PTPRM: variants seen among roughly 807,000 people sequenced by gnomAD.
PTPRM encodes receptor-type tyrosine-protein phosphatase mu.
A neutral mutation model predicts 186.7 loss-of-function variants in PTPRM; 47 were observed. That is an observed-to-expected ratio of 0.25 (90% CI 0.20 to 0.32). The LOEUF (loss-of-function observed/expected upper bound fraction) is 0.32. PTPRM is among the 10% of genes least tolerant of loss of function. PTPRM has a pLI of 1.00. For missense variants in PTPRM, 1,494 were observed against 1,865.0 expected (o/e 0.80, Z 3.66); for synonymous variants, 668 against 674.9 (o/e 0.99, Z 0.16).
intron 2 of PTPRM, among the ~76,000 whole-genome samples, chr18:7,845,848 C>G (rs549141726): frequency 5.3e-5 from 8 of 152,052 alleles, no homozygotes; most frequent in Non-Finnish European, 1.2e-4. Flanking sequence ...CAGGATGACT[C>G]TTAAGGGTTG....
chr18:8,024,490 G>A (rs2085438147), intron 7 of PTPRM, among the ~76,000 whole-genome samples: 2 of 152,038 alleles, frequency 1.3e-5, no homozygotes, highest in Non-Finnish European at 2.9e-5. Flanking sequence ...CTGAACAAAA[G>A]TGCTTTTGGC....
intron 1 of PTPRM, among the ~76,000 whole-genome samples, chr18:7,680,691 T>C (rs2039460713): frequency 7.0e-6 from 1 of 142,368 alleles, no homozygotes; most frequent in African/African-American, 2.8e-5. Flanking sequence ...TAGGGAAAAC[T>C]GGAAAAAGAA....
At chr18:7,702,783 A>C (rs1329644200) in intron 1 of PTPRM, among the ~76,000 whole-genome samples, 1 of 152,206 alleles carries the variant, frequency 6.6e-6, no homozygotes, top group Non-Finnish European at 1.5e-5. Flanking sequence ...CTATGTCCTG[A>C]ATGGTGTTGC....
intron 23 of PTPRM, among the ~76,000 whole-genome samples, chr18:8,355,852 T>TGGGTCTCACAGCCAGAC (rs1485336565): frequency 3.9e-5 from 6 of 152,128 alleles, no homozygotes; most frequent in Admixed American, 1.3e-4. Flanking sequence ...GTGAGCCAAA[T>TGGGTCTCACAGCCAGAC]GGGTCTCACA....
chr18:8,226,316 G>A (rs7232432), intron 14 of PTPRM, among the ~76,000 whole-genome samples: 29,683 of 136,998 alleles, frequency 0.22, 3,297 homozygotes, highest in African/African-American at 0.33. Context: ...AGCATGTAAA[G>A]GCCAAATCGT....
At chr18:8,254,372 C>T (rs1282627938) in intron 19 of PTPRM, among the ~76,000 whole-genome samples, 1 of 152,200 alleles carries the variant, frequency 6.6e-6, no homozygotes, top group Non-Finnish European at 1.5e-5. Flanking sequence ...AAGAAGCATG[C>T]CATCCCTTGA....
chr18:7,690,289 T>C (rs1347867245), intron 1 of PTPRM, among the ~76,000 whole-genome samples: 1 of 152,212 alleles, frequency 6.6e-6, no homozygotes, highest in African/African-American at 2.4e-5. Flanking sequence ...GTAAGGTAAT[T>C]TGTTAGTTGC....
chr18:8,388,102 T>C (rs2095789616), intron 31 of PTPRM, among the ~76,000 whole-genome samples: 1 of 152,212 alleles, frequency 6.6e-6, no homozygotes, highest in South Asian at 2.1e-4. Context: ...GAATGCCATG[T>C]TTCTCAAAGC....
At chr18:7,919,065 T>C (rs1290147830) in intron 4 of PTPRM, among the ~76,000 whole-genome samples, 1 of 152,168 alleles carries the variant, frequency 6.6e-6, no homozygotes, top group Admixed American at 6.5e-5. Flanking sequence ...TTCTTCGTTG[T>C]ATACTCTTAG....
intron 23 of PTPRM, among the ~76,000 whole-genome samples, chr18:8,345,218 G>A (rs1320662557): frequency 6.7e-6 from 1 of 149,726 alleles, no homozygotes; most frequent in East Asian, 2.0e-4. Flanking sequence ...GATAGATGAA[G>A]AACAGAGCAA....
chr18:8,037,450 C>T (rs778213335), intron 7 of PTPRM, among the ~76,000 whole-genome samples: 1 of 152,124 alleles, frequency 6.6e-6, no homozygotes, highest in Non-Finnish European at 1.5e-5. Flanking sequence ...ATACTGTCCT[C>T]CTTCTGTTGC....
In PTPRM at chr18:7,678,288, G is replaced by C. The variant is rs373715353; in HGVS notation, c.74-95861G>C. Among the ~76,000 whole-genome samples the C allele has an allele frequency of 1.9e-4, 29 of 152,234 alleles. 1 individual carries two copies. The East Asian group carries it at 1.9e-3, about 10-fold the overall frequency. ...TATGTCTCCTTTTCCAGGGGATAGGGCTCCTGTTGACACCTATTTCTCCAG... is the reference window on the plus strand; with the variant it reads ...TATGTCTCCTTTTCCAGGGGATAGGCCTCCTGTTGACACCTATTTCTCCAG... On this transcript the variant is annotated intron_variant, in intron 1 of 32. Transcript: ENST00000580170.
chr18:7,983,821 C>G (rs1293927225), intron 7 of PTPRM, among the ~76,000 whole-genome samples: 1 of 152,144 alleles, frequency 6.6e-6, no homozygotes. Context: ...GCTTTAGCTG[C>G]TTTACTGTCA....
intron 1 of PTPRM, among the ~76,000 whole-genome samples, chr18:7,642,907 CT>C (rs1285493225): frequency 6.8e-6 from 1 of 147,990 alleles, no homozygotes; most frequent in African/African-American, 2.5e-5. Flanking sequence ...TGTTGTTTAT[CT>C]TTTAATAATG....
At chr18:8,224,555 C>T (rs1417718448) in intron 14 of PTPRM, among the ~76,000 whole-genome samples, 1 of 152,178 alleles carries the variant, frequency 6.6e-6, no homozygotes. Flanking sequence ...GCTTGTCAAG[C>T]CAGCCATCCT....
rs563518911 is a variant in PTPRM, at chr18:7,750,989, C to A, written c.74-23160C>A. 2.9e-5 allele frequency: 4 copies of A among 139,868 alleles called. No individual in the cohort carries two copies. In the East Asian group the frequency reaches 1.0e-3, roughly 35 times the overall value. The allele number at this position is 139,868 out of a possible 1,614,324, so 8.7% of individuals were successfully genotyped here. A position where few individuals can be genotyped will look rare whatever the true frequency, so the allele number is the denominator to read the frequency against. ...CCATTCCACATAGCCCCCCTCCCCG[C>A]AGAAGGACAGACACTGTGCTTTTCA... is the stretch of plus-strand genomic sequence containing the variant. On this transcript the variant is annotated intron_variant, in intron 1 of 32. Transcript: ENST00000580170.
intron 1 of PTPRM, among the ~76,000 whole-genome samples, chr18:7,589,079 C>T (rs1251838564): frequency 2.0e-5 from 3 of 152,174 alleles, no homozygotes; most frequent in African/African-American, 7.2e-5. Context: ...AGCTCCTGGA[C>T]TCCAGTGATC....
chr18:8,327,588 G>A (rs932169570), intron 22 of PTPRM, among the ~76,000 whole-genome samples: 5 of 152,310 alleles, frequency 3.3e-5, no homozygotes, highest in East Asian at 1.9e-4. Context: ...GATGTGCCAC[G>A]CACCACTTAG....
At chr18:8,071,372 A>C (rs1468585678) in intron 8 of PTPRM, among the ~76,000 whole-genome samples, 4 of 152,050 alleles carry the variant, frequency 2.6e-5, no homozygotes, top group Non-Finnish European at 4.4e-5. Flanking sequence ...GCTGTATTCA[A>C]ATCCTTATTA....
Sources: gnomAD v4.1 joint callset for allele counts (sites outside exome capture counted in the v4.1 genomes callset) on GRCh38, gnomAD v4.1.1 for gene constraint, MANE v1.5 for transcripts, NCBI Gene and HGNC (gene_info 2026-07-23, HGNC 2026-07-21) for gene names.